GIT2: variants seen among roughly 807,000 people sequenced by gnomAD.
The protein encoded by GIT2 is GIT ArfGAP 2.
GIT2 carries 32 observed loss-of-function variants against 100.3 expected under a neutral mutation model. The observed-to-expected ratio is 0.32, with a 90% CI of 0.24 to 0.43. The LOEUF is 0.43. Among genes scored for constraint, GIT2 ranks in the 20% least tolerant of loss-of-function variants. The pLI is 1.00. For missense variants in GIT2, 737 were observed against 975.1 expected (o/e 0.76, Z 3.25); for synonymous variants, 353 against 364.1 (o/e 0.97, Z 0.35).
intron 7 of GIT2, among the ~76,000 whole-genome samples, chr12:109,975,119 T>C (rs1884754745): frequency 6.6e-6 from 1 of 152,228 alleles, no homozygotes; most frequent in African/African-American, 2.4e-5. Context: ...TGGTATATCT[T>C]TTTATACTTT....
At chr12:109,967,767 T>C in intron 7 of GIT2, among the ~76,000 whole-genome samples, 1 of 152,202 alleles carries the variant, frequency 6.6e-6, no homozygotes, top group East Asian at 1.9e-4. Flanking sequence ...TTGCCCTCAG[T>C]GTAACTGACG....
At chr12:109,997,571 AAGAG>A (rs1213658109), upstream of GIT2, 1 of 152,310 alleles carries the variant, frequency 6.6e-6, no homozygotes, top group African/African-American at 2.4e-5. Context: ...GAAAATGAAG[AAGAG>A]AGAGAGGGAA....
Position 109,931,781 on chromosome 12 carries a change from A to G in GIT2, c.*1197T>C, listed in dbSNP as rs1048346172. ...ACAAGAAGGGGCTTTTGAGTAACTA[A>G]AAAACAATCTGAGCATGTTCCAGCA... On this transcript the variant is annotated 3_prime_UTR_variant, in exon 20 of 20. Coordinates refer to ENST00000355312, the MANE Select transcript of GIT2 (RefSeq NM_057169.5). The G allele has an allele frequency of 6.6e-6, 1 of 152,284 alleles. No homozygotes were observed. The highest frequency in any genetic ancestry group is 2.4e-5 in the African/African-American group (1 of 41,462). The allele number at this position is 152,284 out of a possible 1,614,324, so 9.4% of individuals were successfully genotyped here. A position where few individuals can be genotyped will look rare whatever the true frequency, so the allele number is the denominator to read the frequency against.
intron 14 of GIT2, among the ~76,000 whole-genome samples, chr12:109,950,374 T>C (rs189533925): frequency 6.6e-6 from 1 of 152,372 alleles, no homozygotes; most frequent in East Asian, 1.9e-4. Flanking sequence ...TGTCCAAATC[T>C]CATTTTAGAG....
intron 6 of GIT2, chr12:109,981,271 TA>T (rs1311190356): frequency 9.3e-6 from 4 of 428,540 alleles, no homozygotes; most frequent in Non-Finnish European, 4.2e-6. Context: ...AAGGCCAAAA[TA>T]GAATATTTAA....
At chr12:109,960,086 T>A in intron 11 of GIT2, 128 bp from the exon 12 acceptor site, 1 of 670,154 alleles carries the variant, frequency 1.5e-6, no homozygotes, top group East Asian at 2.7e-5. Context: ...CAAAGTACAA[T>A]TAATCCCAGC....
At chr12:109,951,796 G>A (rs1038903480) in intron 13 of GIT2, among the ~76,000 whole-genome samples, 8 of 152,210 alleles carry the variant, frequency 5.3e-5, no homozygotes, top group Non-Finnish European at 1.0e-4. Context: ...TGAGTGCTGT[G>A]GGAAAAGATA....
chr12:109,961,450 C>T (rs1881053410), intron 10 of GIT2, 75 bp from the exon 11 acceptor site: 5 of 1,020,472 alleles, frequency 4.9e-6, no homozygotes, highest in Non-Finnish European at 7.8e-6. Flanking sequence ...ACAGCTCACG[C>T]ACTACGAGGG....
chr12:109,982,207 G>C (rs1220772751), intron 6 of GIT2: 1 of 152,218 alleles, frequency 6.6e-6, no homozygotes, highest in African/African-American at 2.4e-5. Flanking sequence ...CTTGACTCCT[G>C]CCTTTCCTCT....
upstream of GIT2, among the ~76,000 whole-genome samples, chr12:110,000,027 C>T (rs1206019658): frequency 6.6e-6 from 1 of 152,168 alleles, no homozygotes; most frequent in Non-Finnish European, 1.5e-5. Context: ...GTTACTTTTC[C>T]ACTGGACAGA....
Position 109,996,229 on chromosome 12 carries a change from C to A in GIT2, c.-5G>T. The A allele has an allele frequency of 1.3e-6, 2 of 1,528,604 alleles. No homozygotes were observed. 94.7% of individuals were successfully genotyped at this position (1,528,604 alleles called of 1,614,324 possible). ...GCTCCGGAGCCGTTTCGACATGGCT[C>A]CCACCTCCCACCTGCGGGGAACTAG... On this transcript the variant is annotated 5_prime_UTR_variant, in exon 1 of 20. Coordinates refer to ENST00000355312, the MANE Select transcript of GIT2 (RefSeq NM_057169.5).
upstream of GIT2, chr12:109,999,819 G>T: frequency 6.7e-7 from 1 of 1,494,824 alleles, no homozygotes; most frequent in Non-Finnish European, 9.0e-7. This position sits in a 1 kb window ranked among gnomAD's most constrained non-coding sequence, Gnocchi z 4.3. Flanking sequence ...CTCCCGGTGG[G>T]GACTTCGGGG....
chr12:109,953,225 T>A lies in GIT2; in HGVS notation c.1109A>T (p.Glu370Val). 4.3e-6 allele frequency: 7 copies of A among 1,613,780 alleles called. No individual in the cohort carries two copies. The highest frequency in any genetic ancestry group is 5.9e-6 in the Non-Finnish European group (7 of 1,179,750). ...SSLSGSKDNV[E>V]LILKTINNQH... ...GTTATTGATGGTTTTCAGTATGAGC[T>A]CCACATTGTCTATCAATAAAAGCAA... Residue 370 changes from glutamate to valine, a missense_variant, in exon 13 of 20, where the codon GAG (glutamate) becomes GTG (valine). Physicochemically the swap from Glu to Val is moderately radical, Grantham distance 121. Around this residue, in one of 3 missense-constraint regions of GIT2, gnomAD observed 451 missense variants for 543.7 expected, o/e 0.83. Coordinates refer to ENST00000355312, the MANE Select transcript of GIT2 (RefSeq NM_057169.5).
Position 109,968,970 on chromosome 12 carries a change from T to G in GIT2, c.719-1467A>C, listed in dbSNP as rs1056677476. Among the ~76,000 whole-genome samples, 12 of 152,214 alleles carry G rather than the reference T, an allele frequency of 7.9e-5. 1 individual carries two copies. The highest frequency in any genetic ancestry group is 3.3e-4 in the Admixed American group (5 of 15,258). The stretch of plus-strand genomic sequence containing the variant: ...AACTCCTGGGCTCAGGTAATCCACC[T>G]GCCTAAGCCTCCCAACGTGCTGAGA... On this transcript the variant is annotated intron_variant, in intron 7 of 19. Coordinates refer to ENST00000355312, the MANE Select transcript of GIT2 (RefSeq NM_057169.5).
chr12:109,950,948 T>C (rs893791833), intron 14 of GIT2: 43 of 562,492 alleles, frequency 7.6e-5, no homozygotes, highest in Non-Finnish European at 1.2e-4. Context: ...AATGCTTAAA[T>C]AGATGTTAGG....
In GIT2 at chr12:109,933,197, G is replaced by A. The variant is rs1269354396; in HGVS notation, c.2068-7C>T. On this transcript the variant is annotated splice_region_variant and splice_polypyrimidine_tract_variant and intron_variant, in intron 19 of 19. Coordinates refer to ENST00000355312, the MANE Select transcript of GIT2 (RefSeq NM_057169.5). This position sits in a 1 kb window ranked among gnomAD's most constrained non-coding sequence, Gnocchi z 4.5. ...CCATATCAGACTTGGGTTTCTAAAAGGAAAAAGACAGCCGTTTACCCTGAA... is the reference window on the plus strand; with the variant it reads ...CCATATCAGACTTGGGTTTCTAAAAAGAAAAAGACAGCCGTTTACCCTGAA... 6.7e-7 allele frequency: 1 copy of A among 1,502,520 alleles called. No homozygotes were observed. The allele number at this position is 1,502,520 out of a possible 1,614,324, so 93.1% of individuals were successfully genotyped here. A position where few individuals can be genotyped will look rare whatever the true frequency, so the allele number is the denominator to read the frequency against.
chr12:109,963,745 G>A (rs1029334465), intron 9 of GIT2, among the ~76,000 whole-genome samples: 9 of 152,204 alleles, frequency 5.9e-5, no homozygotes, highest in Non-Finnish European at 1.2e-4. Context: ...GATACTGGAG[G>A]ATAAACACTG....
intron 16 of GIT2, chr12:109,939,730 TCAGC>T (rs1362627074): frequency 6.7e-6 from 1 of 148,604 alleles, no homozygotes; most frequent in Non-Finnish European, 1.5e-5. Context: ...AATAAATAAA[TCAGC>T]CAGGCATGGT....
intron 8 of GIT2, 154 bp downstream of exon 8, chr12:109,967,304 G>C (rs777138397): frequency 1.3e-6 from 2 of 1,589,902 alleles, no homozygotes; most frequent in African/African-American, 2.7e-5. Flanking sequence ...TTATATAGTG[G>C]TTTACTTACA....
Sources: allele counts gnomAD v4.1 joint callset (sites outside exome capture counted in the v4.1 genomes callset), GRCh38; gene constraint gnomAD v4.1.1; regional missense constraint gnomAD v4.1.1; non-coding constraint Gnocchi (gnomAD v3.1); transcripts MANE v1.5; gene names NCBI Gene and HGNC (gene_info 2026-07-23, HGNC 2026-07-21).